Variants in TAF1B observed in about 807,000 individuals in gnomAD.
TAF1B encodes the protein TATA-box binding protein associated factor, RNA polymerase I subunit B.
TAF1B carries 61 observed loss-of-function variants against 83.9 expected under a neutral mutation model. The ratio of observed to expected loss-of-function variants is 0.73; its 90% CI spans 0.59 to 0.90. The LOEUF (loss-of-function observed/expected upper bound fraction) is 0.90, where lower values mean the gene tolerates loss of function less well. Ranked by LOEUF, TAF1B falls within the 40% of genes least tolerant of loss-of-function variation. TAF1B has a pLI of 0.00. For synonymous variants in TAF1B, 221 were observed against 224.6 expected (o/e 0.98, Z 0.14); for missense variants, 625 against 677.0 (o/e 0.92, Z 0.85).
At chr2:9,933,719 G>A in intron 14 of TAF1B, 64 bp from the exon 15 acceptor site, 1 of 1,343,280 alleles carries the variant, frequency 7.4e-7, no homozygotes, top group Non-Finnish European at 1.0e-6. Flanking sequence ...GATGTTCAGG[G>A]GTTAGTGTGT....
intron 13 of TAF1B, among the ~76,000 whole-genome samples, 194 bp from the exon 14 acceptor site, chr2:9,919,404 C>A (rs1278599046): frequency 6.6e-6 from 1 of 152,140 alleles, no homozygotes; most frequent in East Asian, 1.9e-4. Context: ...ACTGTACATT[C>A]TTTTTGAAGT....
At chr2:9,903,218 T>G (rs1436128170) in intron 8 of TAF1B, among the ~76,000 whole-genome samples, 1 of 152,132 alleles carries the variant, frequency 6.6e-6, no homozygotes, top group Non-Finnish European at 1.5e-5. Flanking sequence ...CCCAAGTAGC[T>G]GGGACTACAG....
intron 6 of TAF1B, among the ~76,000 whole-genome samples, chr2:9,871,574 C>T (rs928162897): frequency 2.0e-5 from 3 of 152,136 alleles, no homozygotes; most frequent in African/African-American, 2.4e-5. Context: ...ACATGAAAGG[C>T]TTCAAATGTT....
At chr2:9,856,800 T>C (rs947860846) in intron 5 of TAF1B, among the ~76,000 whole-genome samples, 1 of 152,176 alleles carries the variant, frequency 6.6e-6, no homozygotes, top group African/African-American at 2.4e-5. Flanking sequence ...ATAAGTAAAA[T>C]ATTAAGCTGA....
chr2:9,933,008 C>T (rs989897877), intron 14 of TAF1B, among the ~76,000 whole-genome samples: 4 of 152,180 alleles, frequency 2.6e-5, no homozygotes, highest in Non-Finnish European at 5.9e-5. Flanking sequence ...CCTGGTGTGC[C>T]GTTTGCTAAG....
chr2:9,884,665 G>C (rs923669673), intron 8 of TAF1B, among the ~76,000 whole-genome samples: 18 of 152,152 alleles, frequency 1.2e-4, no homozygotes, highest in African/African-American at 4.3e-4. Context: ...CAGCAGAGAG[G>C]AGGCCCTGGA....
At chr2:9,852,778 C>A (rs185655564) in intron 4 of TAF1B, among the ~76,000 whole-genome samples, 87 of 152,252 alleles carry the variant, frequency 5.7e-4, no homozygotes, top group Non-Finnish European at 1.1e-3. Flanking sequence ...AGGCATGAGC[C>A]CCAGCACCTG....
chr2:9,901,444 G>A (rs1665175836), intron 8 of TAF1B, among the ~76,000 whole-genome samples: 1 of 152,174 alleles, frequency 6.6e-6, no homozygotes, highest in Admixed American at 6.5e-5. Context: ...TCAGCTTTTA[G>A]TGTGGAAGTT....
At chr2:9,868,070 C>T (rs1169171492) in intron 5 of TAF1B, among the ~76,000 whole-genome samples, 1 of 152,148 alleles carries the variant, frequency 6.6e-6, no homozygotes, top group African/African-American at 2.4e-5. Flanking sequence ...GGTTTCCTCG[C>T]CCATCCTTGT....
intron 6 of TAF1B, among the ~76,000 whole-genome samples, chr2:9,869,509 C>G (rs1460833564): frequency 6.6e-6 from 1 of 151,812 alleles, no homozygotes; most frequent in Non-Finnish European, 1.5e-5. Context: ...AGGTGTGAAC[C>G]ACCGTGCCCG....
At chr2:9,916,004 C>T (rs1572281564) in intron 12 of TAF1B, among the ~76,000 whole-genome samples, 3 of 152,308 alleles carry the variant, frequency 2.0e-5, no homozygotes, top group Middle Eastern at 6.8e-3. Context: ...ATTTATATGA[C>T]ATTCTGGAAA....
intron 5 of TAF1B, among the ~76,000 whole-genome samples, chr2:9,866,469 C>T (rs1046014990): frequency 6.6e-6 from 1 of 151,950 alleles, no homozygotes; most frequent in African/African-American, 2.4e-5. Flanking sequence ...GAAATAGGAA[C>T]ACTTTTACAC....
intron 8 of TAF1B, among the ~76,000 whole-genome samples, chr2:9,892,817 A>G (rs1486226990): frequency 6.6e-6 from 1 of 152,046 alleles, no homozygotes; most frequent in Non-Finnish European, 1.5e-5. Flanking sequence ...GTTCTGTTTT[A>G]AGTTTTTTGA....
chr2:9,864,255 A>G (rs528927929), intron 5 of TAF1B, among the ~76,000 whole-genome samples: 2 of 149,210 alleles, frequency 1.3e-5, no homozygotes, highest in East Asian at 2.0e-4. Flanking sequence ...ATAAAAAATG[A>G]TAAAGGGAAT....
At chr2:9,846,670 A>G (rs1252880172) in intron 2 of TAF1B, among the ~76,000 whole-genome samples, 1 of 152,264 alleles carries the variant, frequency 6.6e-6, no homozygotes, top group East Asian at 1.9e-4. Context: ...GTGTCACACA[A>G]GTGCTTTTCC....
intron 8 of TAF1B, among the ~76,000 whole-genome samples, chr2:9,891,957 A>G (rs1029273348): frequency 7.2e-5 from 11 of 152,212 alleles, no homozygotes; most frequent in Non-Finnish European, 1.3e-4. Context: ...CATATTTTTT[A>G]TAAATTTTGT....
Position 9,882,749 on chromosome 2 carries a change from C to A in TAF1B, c.751C>A (p.His251Asn), listed in dbSNP as rs762386268. The change falls in exon 8 of 15, where the codon CAT becomes AAT. Residue 251 changes from histidine (H) to asparagine (N), a missense_variant. His to Asn is a moderately conservative substitution (Grantham distance 68). Coordinates refer to ENST00000263663, the MANE Select transcript of TAF1B (RefSeq NM_005680.3). ...DHIPYINAFQ[H>N]FPEQMKLYGR... ...TATTCCTTACATAAATGCTTTTCAG[C>A]ATTTTCCAGAACAGATGAAATTATA... is the stretch of plus-strand genomic sequence containing the variant. 19 of 1,611,202 alleles carry A rather than the reference C, an allele frequency of 1.2e-5. No individual in the cohort carries two copies. Among genetic ancestry groups the A allele is most frequent in the Admixed American group, 1.0e-4 (6 of 59,764 alleles).
In TAF1B at chr2:9,891,347, C is replaced by T. The variant is rs367734003; in HGVS notation, c.807+8542C>T. On this transcript the variant is annotated intron_variant, in intron 8 of 14. Coordinates refer to ENST00000263663, the MANE Select transcript of TAF1B (RefSeq NM_005680.3). ...CAGAATACTTTTTTAAAATTACTGT[C>T]CTGTTTCTTTTATTCTCCACCTTTA... 1.1e-3 allele frequency among the ~76,000 whole-genome samples: 170 copies of T among 152,160 alleles called. 2 individuals carry two copies. Among genetic ancestry groups the T allele is most frequent in the African/African-American group, 3.9e-3 (163 of 41,506 alleles).
chr2:9,908,028 CTTTTTTTTTTTTTTT>C lies in TAF1B; in HGVS notation c.956-2687_956-2673del, dbSNP rs57261740. 5.7e-3 allele frequency among the ~76,000 whole-genome samples: 408 copies of C among 71,782 alleles called. 5 individuals carry two copies. The highest frequency in any genetic ancestry group is 0.029 in the African/African-American group (372 of 12,730). 47.1% of individuals were successfully genotyped at this position (71,782 alleles called of 152,430 possible). A position where few individuals can be genotyped will look rare whatever the true frequency, so the allele number is the denominator to read the frequency against. ...AGCGGAGCAGTTCAAGATCTTAATT[CTTTTTTTTTTTTTTT>C]TTTTTTTTTTTTTTTTTTTTGAGAC... On this transcript the variant is annotated intron_variant, in intron 9 of 14. Transcript: ENST00000263663.
Sources: gnomAD v4.1 joint callset for allele counts (sites outside exome capture counted in the v4.1 genomes callset) on GRCh38, gnomAD v4.1.1 for gene constraint, MANE v1.5 for transcripts, NCBI Gene and HGNC (gene_info 2026-07-23, HGNC 2026-07-21) for gene names.